Variants in SPIN1 observed in about 807,000 individuals in gnomAD.
SPIN1 encodes spindlin-1.
Under a neutral mutation model 26.0 loss-of-function variants are expected in SPIN1, and 3 were observed. The observed-to-expected ratio is 0.12, with a 90% CI of 0.05 to 0.30. SPIN1 has a LOEUF of 0.30. Among genes scored for constraint, SPIN1 ranks in the 10% least tolerant of loss-of-function variants. SPIN1 has a pLI of 1.00. For synonymous variants in SPIN1, 101 were observed against 116.5 expected (o/e 0.87, Z 0.86); for missense variants, 126 against 333.4 (o/e 0.38, Z 4.84).
chr9:88,426,049 A>T (rs1388841121), intron 1 of SPIN1, among the ~76,000 whole-genome samples: 1 of 151,892 alleles, frequency 6.6e-6, no homozygotes, highest in African/African-American at 2.4e-5. Context: ...CCCAGCATCC[A>T]CCCTTTTCTG....
At chr9:88,451,110 TATAAA>T (rs1828343893) in intron 3 of SPIN1, among the ~76,000 whole-genome samples, 1 of 143,548 alleles carries the variant, frequency 7.0e-6, no homozygotes, top group Non-Finnish European at 1.5e-5. Context: ...GGAAACCAAA[TATAAA>T]AAAAAAACAG....
chr9:88,477,221 C>CAA lies in SPIN1; in HGVS notation c.*1945_*1946insAA, dbSNP rs1828905639. 1 of 152,210 alleles carries CAA rather than the reference C, an allele frequency of 6.6e-6. No homozygotes were observed. Among genetic ancestry groups the CAA allele is most frequent in the Non-Finnish European group, 1.5e-5 (1 of 68,060 alleles). The allele number at this position is 152,210 out of a possible 1,614,324, so 9.4% of individuals were successfully genotyped here. ...AAATCTCAAAGCTGAGCCTGGCTCC[C>CAA]AGAGTCCAGACTGACATTACAGCGC... On this transcript the variant is annotated 3_prime_UTR_variant, in exon 6 of 6. Coordinates refer to ENST00000375859, the MANE Select transcript of SPIN1 (RefSeq NM_006717.3).
chr9:88,428,372 A>G (rs910225379), intron 2 of SPIN1, among the ~76,000 whole-genome samples: 2 of 152,134 alleles, frequency 1.3e-5, no homozygotes, highest in Non-Finnish European at 2.9e-5. Context: ...GATAGTTTCC[A>G]TATTTATGTC....
At chr9:88,422,661 A>AT (rs1827691870) in intron 1 of SPIN1, among the ~76,000 whole-genome samples, 1 of 151,906 alleles carries the variant, frequency 6.6e-6, no homozygotes, top group South Asian at 2.1e-4. Flanking sequence ...GGACTCTAAA[A>AT]TTTTATTTTA....
chr9:88,466,122 C>T (rs142387589), intron 4 of SPIN1, among the ~76,000 whole-genome samples: 3 of 152,162 alleles, frequency 2.0e-5, no homozygotes, highest in East Asian at 1.9e-4. Context: ...TCTATGTAAA[C>T]AGATGCTTTT....
At chr9:88,390,445 C>A (rs899023539) in intron 1 of SPIN1, among the ~76,000 whole-genome samples, 34 of 152,206 alleles carry the variant, frequency 2.2e-4, no homozygotes, top group African/African-American at 8.0e-4. Context: ...GTTTTCACTT[C>A]CAGTGACTTA....
At chr9:88,425,316 GTC>G (rs1827744069) in intron 1 of SPIN1, among the ~76,000 whole-genome samples, 1 of 152,050 alleles carries the variant, frequency 6.6e-6, no homozygotes, top group Admixed American at 6.6e-5. Context: ...CTTAGGCCTA[GTC>G]TCTCTACATC....
chr9:88,416,813 G>A (rs898883719), intron 1 of SPIN1: 1 of 151,952 alleles, frequency 6.6e-6, no homozygotes, highest in African/African-American at 2.4e-5. Flanking sequence ...AATAGAGATG[G>A]GGTTTTTCCA....
chr9:88,404,171 C>T (rs1173108941), intron 1 of SPIN1, among the ~76,000 whole-genome samples: 2 of 152,186 alleles, frequency 1.3e-5, no homozygotes, highest in African/African-American at 2.4e-5. Flanking sequence ...TATTAGGGCA[C>T]TTACCATGAA....
chr9:88,475,962 C>T lies in SPIN1; in HGVS notation c.*685C>T, dbSNP rs1027762087. 10 of 151,846 alleles carry T rather than the reference C, an allele frequency of 6.6e-5. No individual in the cohort carries two copies. The highest frequency in any genetic ancestry group is 5.9e-5 in the Non-Finnish European group (4 of 67,982). The allele number at this position is 151,846 out of a possible 1,614,324, so 9.4% of individuals were successfully genotyped here. A position where few individuals can be genotyped will look rare whatever the true frequency, so the allele number is the denominator to read the frequency against. ...CAGAGCACCTTTTCAATCTGGAGCC[C>T]TTAAACCATAAGTCCAAATATGAAT... On this transcript the variant is annotated 3_prime_UTR_variant, in exon 6 of 6. Coordinates refer to ENST00000375859, the MANE Select transcript of SPIN1 (RefSeq NM_006717.3).
chr9:88,414,619 G>A (rs1439293872), intron 1 of SPIN1, among the ~76,000 whole-genome samples: 1 of 152,198 alleles, frequency 6.6e-6, no homozygotes, highest in Admixed American at 6.5e-5. Context: ...ATCTAGTCAA[G>A]TGTCAGCTGA....
intron 5 of SPIN1, among the ~76,000 whole-genome samples, chr9:88,473,285 C>T (rs1038082864): frequency 2.6e-5 from 4 of 151,816 alleles, no homozygotes; most frequent in East Asian, 1.9e-4. Context: ...CCCAGCTACT[C>T]GGGAGGCTGA....
At chr9:88,420,724 C>G (rs1384878723) in intron 1 of SPIN1, among the ~76,000 whole-genome samples, 1 of 152,188 alleles carries the variant, frequency 6.6e-6, no homozygotes. Context: ...TGGGGGTCTT[C>G]TCTGGAGCCC....
At chr9:88,465,157 G>A (rs1310923901) in intron 4 of SPIN1, among the ~76,000 whole-genome samples, 1 of 152,132 alleles carries the variant, frequency 6.6e-6, no homozygotes, top group Non-Finnish European at 1.5e-5. Flanking sequence ...CCCATTAATG[G>A]ACATTTGGAT....
intron 1 of SPIN1, among the ~76,000 whole-genome samples, chr9:88,394,856 C>CTGGA (rs1827018535): frequency 7.0e-6 from 1 of 143,518 alleles, no homozygotes; most frequent in Non-Finnish European, 1.5e-5. Context: ...GTCGCCCAGG[C>CTGGA]TGGAGTCCAG....
chr9:88,401,381 A>G (rs1827183795), intron 1 of SPIN1, among the ~76,000 whole-genome samples: 1 of 152,092 alleles, frequency 6.6e-6, no homozygotes, highest in African/African-American at 2.4e-5. Flanking sequence ...TCATACAGCC[A>G]TCCCTCCATA....
intron 3 of SPIN1, among the ~76,000 whole-genome samples, chr9:88,459,362 A>G (rs894771931): frequency 6.6e-6 from 1 of 152,210 alleles, no homozygotes; most frequent in African/African-American, 2.4e-5. Flanking sequence ...ATGTTACTGT[A>G]TATTACTAGA....
At chr9:88,427,723 A>G (rs1441812099) in intron 2 of SPIN1, among the ~76,000 whole-genome samples, 2 of 151,392 alleles carry the variant, frequency 1.3e-5, no homozygotes, top group African/African-American at 4.9e-5. Context: ...TGGTCTCCCC[A>G]GTAGCTGGGA....
intron 2 of SPIN1, among the ~76,000 whole-genome samples, chr9:88,427,868 G>C (rs927013262): frequency 6.6e-6 from 1 of 152,104 alleles, no homozygotes; most frequent in Non-Finnish European, 1.5e-5. Context: ...CAAAGTGCTG[G>C]GATTACAGGT....
Sources: gnomAD v4.1 joint callset for allele counts (sites outside exome capture counted in the v4.1 genomes callset) on GRCh38, gnomAD v4.1.1 for gene constraint, MANE v1.5 for transcripts, NCBI Gene and HGNC (gene_info 2026-07-23, HGNC 2026-07-21) for gene names.